ADGRG2: variants seen among roughly 807,000 people sequenced by gnomAD.
ADGRG2 encodes the protein G protein-coupled receptor 64.
In ADGRG2, 26 loss-of-function variants were observed where a neutral mutation model predicts 74.1. The ratio of observed to expected loss-of-function variants is 0.35; its 90% confidence interval spans 0.26 to 0.49. The LOEUF (loss-of-function observed/expected upper bound fraction) is 0.49. Among genes scored for constraint, ADGRG2 ranks in the 20% least tolerant of loss-of-function variants. ADGRG2 has a pLI of 0.99. For synonymous variants in ADGRG2, 296 were observed against 295.2 expected, an observed-to-expected ratio of 1.00 and a Z score of -0.03; for missense variants, 619 against 763.1, an observed-to-expected ratio of 0.81 and a Z score of 2.22.
At chrX:19,040,267 C>T in intron 3 of ADGRG2, 43 bp from the exon 4 acceptor site, 1 of 887,640 alleles carries the variant, frequency 1.1e-6, no homozygotes, top group Non-Finnish European at 1.6e-6. Context: ...TTCATGAGGA[C>T]TAAAATCAAT....
chrX:19,088,266 C>G (rs2146982403), intron 1 of ADGRG2, among the ~76,000 whole-genome samples: 1 of 112,224 alleles, frequency 8.9e-6, no homozygotes, highest in South Asian at 3.7e-4. Flanking sequence ...TATATTCACA[C>G]AAAGTTCACC....
At chrX:19,099,178 C>A (rs1293031769) in intron 1 of ADGRG2, among the ~76,000 whole-genome samples, 3 of 108,932 alleles carry the variant, frequency 2.8e-5, no homozygotes, top group African/African-American at 1.0e-4. Context: ...AGCGAGACTC[C>A]ATCTAAAAAA....
At chrX:19,018,794 G>C (rs1392236719) in intron 15 of ADGRG2, among the ~76,000 whole-genome samples, 2 of 111,999 alleles carry the variant, frequency 1.8e-5, no homozygotes, top group Non-Finnish European at 3.8e-5. Context: ...GAAAATATTT[G>C]CAACATATAC....
At chrX:19,082,148 G>A (rs904306830) in intron 2 of ADGRG2, among the ~76,000 whole-genome samples, 7 of 108,965 alleles carry the variant, frequency 6.4e-5, no homozygotes, top group African/African-American at 2.3e-4. Context: ...AATAGGAAGC[G>A]TGAAAGTAGC....
At chrX:19,064,793 A>C (rs2061540068) in intron 3 of ADGRG2, among the ~76,000 whole-genome samples, 1 of 112,130 alleles carries the variant, frequency 8.9e-6, no homozygotes, top group East Asian at 2.8e-4. Flanking sequence ...TAACTCTGCA[A>C]CCTCTTAATT....
At chrX:19,098,605 A>T (rs1040230069) in intron 1 of ADGRG2, among the ~76,000 whole-genome samples, 1 of 112,194 alleles carries the variant, frequency 8.9e-6, no homozygotes, top group Non-Finnish European at 1.9e-5. Flanking sequence ...GTAGTAGCTC[A>T]GTAAAACCTG....
At position 19,040,272 on chromosome X, in the gene ADGRG2, A is replaced by G. The variant is rs772750007; in HGVS notation, c.119-48T>C. The G allele has an allele frequency of 1.1e-5, 9 of 850,433 alleles. No homozygotes were observed. The African/African-American group carries it at 1.8e-4, about 17-fold the overall frequency. 70.1% of individuals were successfully genotyped at this position (850,433 alleles called of 1,213,427 possible). A position where few individuals can be genotyped will look rare whatever the true frequency, so the allele number is the denominator to read the frequency against. ...CAGAATTAGTTTCATGAGGACTAAAATCAATAAAATTGTACTATATTAAGG... is the reference window on the plus strand; with the variant it reads ...CAGAATTAGTTTCATGAGGACTAAAGTCAATAAAATTGTACTATATTAAGG... On this transcript the variant is annotated intron_variant, in intron 3 of 28. Transcript: ENST00000379869.
intron 3 of ADGRG2, among the ~76,000 whole-genome samples, chrX:19,057,789 A>C (rs1490322375): frequency 5.4e-5 from 6 of 111,599 alleles, no homozygotes; most frequent in Non-Finnish European, 9.4e-5. Context: ...GCAGTGAGCT[A>C]TGATTGCACC....
intron 1 of ADGRG2, among the ~76,000 whole-genome samples, chrX:19,091,354 G>T (rs1309939013): frequency 9.1e-6 from 1 of 110,278 alleles, no homozygotes; most frequent in Admixed American, 9.8e-5. Flanking sequence ...ATAGGAGGGG[G>T]TCTTAGTGGA....
intron 3 of ADGRG2, among the ~76,000 whole-genome samples, chrX:19,046,887 A>G (rs1156884184): frequency 1.8e-5 from 2 of 111,345 alleles, no homozygotes; most frequent in Non-Finnish European, 3.8e-5. Flanking sequence ...CTTGCACTCC[A>G]ATCTCCTGTC....
chrX:19,006,858 G>A (rs1483176422), intron 20 of ADGRG2, among the ~76,000 whole-genome samples: 2 of 103,990 alleles, frequency 1.9e-5, no homozygotes, highest in Middle Eastern at 4.9e-3. Flanking sequence ...TCCCGGGCTC[G>A]TGATCCTCCC....
At chrX:19,060,128 T>C in intron 3 of ADGRG2, among the ~76,000 whole-genome samples, 1 of 111,093 alleles carries the variant, frequency 9.0e-6, no homozygotes, top group African/African-American at 3.3e-5. Flanking sequence ...CGAGACTCTG[T>C]CTCAGAAAAA....
At chrX:19,057,351 A>T (rs188280469) in intron 3 of ADGRG2, among the ~76,000 whole-genome samples, 6 of 112,049 alleles carry the variant, frequency 5.4e-5, no homozygotes, top group African/African-American at 1.9e-4. Flanking sequence ...TACAAAGATC[A>T]TGGGGTTCCA....
At chrX:19,053,358 A>AG (rs935656994) in intron 3 of ADGRG2, among the ~76,000 whole-genome samples, 35 of 110,311 alleles carry the variant, frequency 3.2e-4, no homozygotes, top group Non-Finnish European at 4.9e-4. Flanking sequence ...TGCGGGGCGG[A>AG]GGGGGGGTCA....
At chrX:18,991,573 T>C (rs1206722821) in intron 28 of ADGRG2, among the ~76,000 whole-genome samples, 1 of 112,273 alleles carries the variant, frequency 8.9e-6, no homozygotes, top group Non-Finnish European at 1.9e-5. Context: ...ATCTCTCTTG[T>C]AGATTAAACC....
rs998957609 is a variant in ADGRG2, at chrX:19,081,511, C to G, written c.-2+1191G>C. Among the ~76,000 whole-genome samples, 3 of 111,726 alleles carry G rather than the reference C, an allele frequency of 2.7e-5. No homozygotes were observed. The Admixed American group carries it at 2.8e-4, about 11-fold the overall frequency. ...GCCCACCCCTCGCCAGGATTCTGTGCCCTTCCTTGGTTTTGTCATCACACC... is the reference window on the plus strand; with the variant it reads ...GCCCACCCCTCGCCAGGATTCTGTGGCCTTCCTTGGTTTTGTCATCACACC... On this transcript the variant is annotated intron_variant, in intron 2 of 28. Transcript: ENST00000379869.
chrX:19,061,283 G>A (rs2061486929), intron 3 of ADGRG2, among the ~76,000 whole-genome samples: 1 of 111,686 alleles, frequency 9.0e-6, no homozygotes, highest in African/African-American at 3.3e-5. Context: ...TTAGACTAGG[G>A]TCACAAATCG....
chrX:19,084,659 G>A (rs780567302), intron 1 of ADGRG2, among the ~76,000 whole-genome samples: 41 of 112,132 alleles, frequency 3.7e-4, no homozygotes, highest in Non-Finnish European at 6.6e-4. Flanking sequence ...TTGTGAAAAT[G>A]AGAATTTTCC....
At chrX:19,022,635 T>C (rs1318718969) in intron 13 of ADGRG2, among the ~76,000 whole-genome samples, 1 of 112,136 alleles carries the variant, frequency 8.9e-6, no homozygotes, top group Non-Finnish European at 1.9e-5. Context: ...AAATAATTGT[T>C]GGACAAGCTG....
Sources: gnomAD v4.1 joint callset for allele counts (sites outside exome capture counted in the v4.1 genomes callset) on GRCh38, gnomAD v4.1.1 for gene constraint, MANE v1.5 for transcripts, NCBI Gene and HGNC (gene_info 2026-07-23, HGNC 2026-07-21) for gene names.